The following OR4K1 variants were observed in gnomAD, a reference collection of about 807,000 sequenced individuals.
OR4K1 encodes the protein olfactory receptor 4K1.
In OR4K1, 16 loss-of-function variants were observed where a neutral mutation model predicts 14.4. The ratio of observed to expected loss-of-function variants is 1.11; its 90% CI spans 0.75 to 1.68. The LOEUF (loss-of-function observed/expected upper bound fraction) is 1.68, where lower values mean the gene tolerates loss of function less well. Among genes scored for constraint, OR4K1 ranks in the 40% most tolerant of loss-of-function variants. The pLI is 0.00. For synonymous variants in OR4K1, 181 were observed against 133.1 expected (o/e 1.36, Z -2.48); for missense variants, 548 against 376.9 (o/e 1.45, Z -3.76).
chr14:19,933,236 T>G (rs1882225838), intron 1 of OR4K1, among the ~76,000 whole-genome samples: 1 of 152,096 alleles, frequency 6.6e-6, no homozygotes. Flanking sequence ...AAAGGATTTT[T>G]TTTTTGCTTA....
At chr14:19,921,894 T>C in the OR4K1 span, among the ~76,000 whole-genome samples, 1 of 152,238 alleles carries the variant, frequency 6.6e-6, no homozygotes, top group South Asian at 2.1e-4. Context: ...CTGGTGGGCA[T>C]ACATTCAAAC....
chr14:19,936,170 C>A lies in OR4K1; in HGVS notation c.504C>A (p.Phe168Leu). 1 of 1,614,262 alleles carries A rather than the reference C, an allele frequency of 6.2e-7. No homozygotes were observed. The highest frequency in any genetic ancestry group is 1.1e-5 in the South Asian group (1 of 91,086). Residue 168 changes from phenylalanine (F) to leucine (L), a missense_variant, in exon 2 of 2, where the codon TTC becomes TTA. Coordinates refer to ENST00000641172, the MANE Select transcript of OR4K1 (RefSeq NM_001004063.3). The stretch of plus-strand genomic sequence containing the variant: ...TGGCTTTTACAGTGGACCTGCCATT[C>A]TGTGGTCCCAATGAGGTGGATAGCT... ...SHLAFTVDLP[F>L]CGPNEVDSFF...
At chr14:19,928,961 T>C (rs1882122188), upstream of OR4K1, among the ~76,000 whole-genome samples, 1 of 152,006 alleles carries the variant, frequency 6.6e-6, no homozygotes, top group Non-Finnish European at 1.5e-5. Context: ...GTGGGTTTTT[T>C]TGATATATCA....
Position 19,935,844 on chromosome 14 carries a change from T to C in OR4K1, c.178T>C (p.Tyr60His), listed in dbSNP as rs773366698. ...TGACTCCCATTTGAACTCTCCTATG[T>C]ACTTCTTGCTCAGTAATCTTTCTTT... is the stretch of plus-strand genomic sequence containing the variant. ...SFDSHLNSPM[Y>H]FLLSNLSFID... is the part of the protein sequence containing the mutation. Residue 60 changes from tyrosine to histidine, a missense_variant, in exon 2 of 2, where the codon TAC becomes CAC. Coordinates refer to ENST00000641172, the MANE Select transcript of OR4K1 (RefSeq NM_001004063.3). 1.9e-6 allele frequency: 3 copies of C among 1,614,268 alleles called. No individual in the cohort carries two copies. The highest frequency in any genetic ancestry group is 1.7e-6 in the Non-Finnish European group (2 of 1,180,046).
chr14:19,936,512 G>C lies in OR4K1; in HGVS notation c.846G>C (p.Leu282Phe), dbSNP rs141721875. Residue 282 changes from leucine to phenylalanine, a missense_variant, in exon 2 of 2, where the codon TTG becomes TTC. Coordinates refer to ENST00000641172, the MANE Select transcript of OR4K1 (RefSeq NM_001004063.3). ...SVFYTVCTPLLNPIIYSLRNE... is the reference protein window; with the variant it reads ...SVFYTVCTPLFNPIIYSLRNE... ...TCTACACTGTTTGTACTCCCTTGTT[G>C]AACCCCATCATCTACTCTCTGAGGA... is the stretch of plus-strand genomic sequence containing the variant. The C allele has an allele frequency of 8.0e-5, 129 of 1,613,594 alleles. No individual in the cohort carries two copies. Among genetic ancestry groups the C allele is most frequent in the Non-Finnish European group, 4.0e-5 (47 of 1,179,988 alleles).
At chr14:19,927,875 G>A (rs1378753427), upstream of OR4K1, among the ~76,000 whole-genome samples, 2 of 152,228 alleles carry the variant, frequency 1.3e-5, no homozygotes, top group South Asian at 2.1e-4. Flanking sequence ...GGATTCCACA[G>A]AGATTGTCTC....
the OR4K1 span, chr14:19,920,638 A>G: frequency 2.6e-5 from 42 of 1,612,200 alleles, no homozygotes; most frequent in Non-Finnish European, 3.4e-5. Context: ...GTGGTGTCTG[A>G]ATTTGTACTG....
chr14:19,921,371 C>A, the OR4K1 span: 1 of 1,614,160 alleles, frequency 6.2e-7, no homozygotes. Context: ...GACCTTGCAT[C>A]TTCATCTATG....
chr14:19,932,938 G>C (rs1463671634), intron 1 of OR4K1, among the ~76,000 whole-genome samples: 3 of 150,162 alleles, frequency 2.0e-5, no homozygotes, highest in African/African-American at 7.3e-5. Flanking sequence ...TAGAAAATGT[G>C]CTTTATATAA....
intron 1 of OR4K1, among the ~76,000 whole-genome samples, chr14:19,934,828 G>A (rs1271297100): frequency 4.6e-5 from 7 of 152,072 alleles, no homozygotes; most frequent in African/African-American, 7.2e-5. Context: ...CCACCACCAC[G>A]CCCGGCTAAT....
Position 19,936,144 on chromosome 14 carries a change from T to C in OR4K1, c.478T>C (p.Leu160=). Residue 160 remains leucine (L), a synonymous_variant, in exon 2 of 2, where the codon TTG becomes CTG. Coordinates refer to ENST00000641172, the MANE Select transcript of OR4K1 (RefSeq NM_001004063.3). ...GGGCGTTCTTCATTCTGTGAGCCAC[T>C]TGGCTTTTACAGTGGACCTGCCATT... The part of the protein sequence containing the change: ...AVGVLHSVSH[L]AFTVDLPFCG... 1.2e-6 allele frequency: 2 copies of C among 1,614,268 alleles called. No homozygotes were observed. The highest frequency in any genetic ancestry group is 1.7e-6 in the Non-Finnish European group (2 of 1,180,046).
At chr14:19,920,818 T>C in the OR4K1 span, 1 of 1,614,236 alleles carries the variant, frequency 6.2e-7, no homozygotes. Flanking sequence ...TTTGTTGACA[T>C]TTGTCAGGCT....
At position 19,936,115 on chromosome 14, in the gene OR4K1, C is replaced by T. The variant is rs368279248; in HGVS notation, c.449C>T (p.Ala150Val). 7.7e-5 allele frequency: 124 copies of T among 1,614,008 alleles called. 1 individual carries two copies. In the Middle Eastern group the frequency reaches 8.2e-4, roughly 11 times the overall value. ...LCVIFVSISW[A>V]VGVLHSVSHL... is the part of the protein sequence containing the mutation. ...GTAATTTTTGTGTCTATTTCCTGGG[C>T]GGTGGGCGTTCTTCATTCTGTGAGC... Residue 150 changes from alanine (A) to valine (V), a missense_variant, in exon 2 of 2, where the codon GCG (alanine) becomes GTG (valine). Physicochemically the swap from Ala to Val is moderately conservative, Grantham distance 64 (BLOSUM62 0). Transcript: ENST00000641172.
At chr14:19,920,606 C>T in the OR4K1 span, 1 of 1,597,452 alleles carries the variant, frequency 6.3e-7, no homozygotes, top group African/African-American at 1.4e-5. Flanking sequence ...AGCTTGGAAC[C>T]ATGGATAAGT....
chr14:19,927,562 G>A (rs967436116), upstream of OR4K1, among the ~76,000 whole-genome samples: 2 of 152,178 alleles, frequency 1.3e-5, no homozygotes, highest in Admixed American at 1.3e-4. Flanking sequence ...GCCTATCAGG[G>A]ACCAAAAACA....
chr14:19,930,996 A>G lies in OR4K1; in HGVS notation c.-169A>G, dbSNP rs961385123. ...CCTTCCATACGGCATAGTGTAGGGA[A>G]CCAAGTTAAAATGCATCAAGTTAAG... On this transcript the variant is annotated 5_prime_UTR_variant, in exon 1 of 2. Transcript: ENST00000641172. The G allele has an allele frequency of 1.3e-5, 2 of 152,286 alleles. No homozygotes were observed. The highest frequency in any genetic ancestry group is 4.8e-5 in the African/African-American group (2 of 41,462). 9.4% of individuals were successfully genotyped at this position (152,286 alleles called of 1,614,324 possible).
the OR4K1 span, among the ~76,000 whole-genome samples, chr14:19,923,796 T>C: frequency 2.9e-3 from 442 of 152,306 alleles, no homozygotes; most frequent in Non-Finnish European, 5.0e-3. Context: ...TGGTAAAAGA[T>C]GTCAGTTCTC....
the OR4K1 span, chr14:19,921,171 T>A: frequency 6.2e-7 from 1 of 1,614,198 alleles, no homozygotes; most frequent in Non-Finnish European, 8.5e-7. Flanking sequence ...CAAACTTGCC[T>A]GCCTGGACTC....
chr14:19,931,967 C>A (rs1882194278), intron 1 of OR4K1, among the ~76,000 whole-genome samples: 1 of 152,176 alleles, frequency 6.6e-6, no homozygotes. Flanking sequence ...AGTCACACAG[C>A]CAGCAAGTAG....
Sources: allele counts gnomAD v4.1 joint callset (sites outside exome capture counted in the v4.1 genomes callset), GRCh38; gene constraint gnomAD v4.1.1; transcripts MANE v1.5; gene names NCBI Gene and HGNC (gene_info 2026-07-23, HGNC 2026-07-21).